The following CCDC170 variants were observed in gnomAD, a reference collection of about 807,000 sequenced individuals.
The protein encoded by CCDC170 is coiled-coil domain containing 170, also known as coiled-coil domain-containing protein 170.
CCDC170 carries 69 observed loss-of-function variants against 72.6 expected under a neutral mutation model. The observed-to-expected ratio is 0.95, with a 90% CI of 0.78 to 1.16. CCDC170 has a LOEUF of 1.16. Ranked by LOEUF, CCDC170 falls within the 50% of genes most tolerant of loss-of-function variation. The pLI, the probability that CCDC170 is intolerant of heterozygous loss-of-function variation, is 0.00. For synonymous variants in CCDC170, 300 were observed against 303.9 expected, an observed-to-expected ratio of 0.99 and a Z score of 0.13; for missense variants, 852 against 832.5, an observed-to-expected ratio of 1.02 and a Z score of -0.29.
chr6:151,520,533 C>G (rs964941787), intron 1 of CCDC170, among the ~76,000 whole-genome samples: 1 of 152,222 alleles, frequency 6.6e-6, no homozygotes, highest in African/African-American at 2.4e-5. Flanking sequence ...TTTCCCAAAA[C>G]AAACCTCCTT....
intron 9 of CCDC170, among the ~76,000 whole-genome samples, chr6:151,599,167 G>A (rs1776667418): frequency 6.6e-6 from 1 of 152,190 alleles, no homozygotes; most frequent in African/African-American, 2.4e-5. Context: ...AAAATTTGGG[G>A]CTTTAGAGAA....
chr6:151,551,661 G>C (rs1319076537), intron 5 of CCDC170, among the ~76,000 whole-genome samples: 1 of 152,108 alleles, frequency 6.6e-6, no homozygotes, highest in Non-Finnish European at 1.5e-5. Context: ...CCTCTCGGGA[G>C]GCCCACGTGG....
At chr6:151,591,416 G>T (rs1442254229) in intron 7 of CCDC170, among the ~76,000 whole-genome samples, 1 of 152,062 alleles carries the variant, frequency 6.6e-6, no homozygotes, top group Non-Finnish European at 1.5e-5. Context: ...TCTAACTGTA[G>T]ACTGCTAAAA....
chr6:151,596,981 C>A (rs1348849671), intron 9 of CCDC170, among the ~76,000 whole-genome samples: 1 of 152,128 alleles, frequency 6.6e-6, no homozygotes, highest in Non-Finnish European at 1.5e-5. Flanking sequence ...CATGCGCCAC[C>A]ACGCCTGGCT....
At chr6:151,572,652 T>TTTTTTTTGTTG (rs1554223874) in intron 5 of CCDC170, among the ~76,000 whole-genome samples, 2 of 77,536 alleles carry the variant, frequency 2.6e-5, no homozygotes, top group African/African-American at 1.0e-4. Flanking sequence ...TCTCTGTGTT[T>TTTTTTTTGTTG]TTTTTTTTTT....
At chr6:151,560,160 C>T (rs947633326) in intron 5 of CCDC170, among the ~76,000 whole-genome samples, 2 of 152,104 alleles carry the variant, frequency 1.3e-5, no homozygotes, top group African/African-American at 2.4e-5. Context: ...TATGTTGTAT[C>T]TTTATTTTAA....
At chr6:151,581,303 A>G (rs1053559887) in intron 6 of CCDC170, among the ~76,000 whole-genome samples, 3 of 152,152 alleles carry the variant, frequency 2.0e-5, no homozygotes, top group African/African-American at 7.2e-5. Flanking sequence ...AGCTAAATTT[A>G]TGTTATATTC....
At chr6:151,542,370 G>A (rs4455680) in intron 3 of CCDC170, among the ~76,000 whole-genome samples, 25,270 of 152,124 alleles carry the variant, frequency 0.17, 2,719 homozygotes, top group Non-Finnish European at 0.24. Context: ...ACAGGTGCAT[G>A]CCACTACACC....
At chr6:151,600,686 T>C (rs1776692860) in intron 9 of CCDC170, among the ~76,000 whole-genome samples, 1 of 152,186 alleles carries the variant, frequency 6.6e-6, no homozygotes, top group African/African-American at 2.4e-5. Context: ...AGAGGGACAA[T>C]ATAAAATAAT....
At chr6:151,552,779 CTTTTTTTTTT>C (rs71014597) in intron 5 of CCDC170, among the ~76,000 whole-genome samples, 48 of 56,770 alleles carry the variant, frequency 8.5e-4, no homozygotes, top group African/African-American at 2.3e-3. Flanking sequence ...TCAGCCAATT[CTTTTTTTTTT>C]TTTTTTTTTT....
intron 9 of CCDC170, among the ~76,000 whole-genome samples, chr6:151,599,455 T>C (rs1375788496): frequency 6.6e-6 from 1 of 152,122 alleles, no homozygotes; most frequent in Non-Finnish European, 1.5e-5. Flanking sequence ...AATGCAATAA[T>C]AGGTGAATAG....
At chr6:151,577,768 C>T (rs1024627003) in intron 6 of CCDC170, among the ~76,000 whole-genome samples, 1 of 152,192 alleles carries the variant, frequency 6.6e-6, no homozygotes, top group Non-Finnish European at 1.5e-5. Flanking sequence ...GAGTTCACCT[C>T]CTGTCAGATC....
intron 6 of CCDC170, among the ~76,000 whole-genome samples, chr6:151,575,594 A>G (rs550667833): frequency 7.6e-6 from 1 of 130,776 alleles, no homozygotes; most frequent in East Asian, 2.6e-4. Context: ...CAGTGGTGCA[A>G]ACTCGGCTCA....
At chr6:151,499,474 C>G (rs368533070) in intron 1 of CCDC170, among the ~76,000 whole-genome samples, 4 of 124,628 alleles carry the variant, frequency 3.2e-5, no homozygotes, top group South Asian at 2.6e-4. Flanking sequence ...TGGAATCAGA[C>G]TGTATTTGAC....
chr6:151,563,442 A>G (rs1417617316), intron 5 of CCDC170, among the ~76,000 whole-genome samples: 1 of 152,158 alleles, frequency 6.6e-6, no homozygotes, highest in Non-Finnish European at 1.5e-5. Flanking sequence ...GAGGTGTCCC[A>G]TGTTGAGAGT....
At position 151,588,204 on chromosome 6, in the gene CCDC170, G is replaced by A. The variant is rs115016861; in HGVS notation, c.1293+2115G>A. On this transcript the variant is annotated intron_variant, in intron 7 of 10. Coordinates refer to ENST00000239374, the MANE Select transcript of CCDC170 (RefSeq NM_025059.4). The stretch of plus-strand genomic sequence containing the variant: ...GTCAGACTCGCTTAGAGGGTAGCAG[G>A]GGTGTCCAACCTTTTGGCTTCCCTG... Among the ~76,000 whole-genome samples, 408 of 152,226 alleles carry A rather than the reference G, an allele frequency of 2.7e-3. 1 individual carries two copies. Among genetic ancestry groups the A allele is most frequent in the African/African-American group, 9.5e-3 (393 of 41,526 alleles).
chr6:151,602,746 T>C (rs1353740504), intron 9 of CCDC170, among the ~76,000 whole-genome samples: 2 of 152,206 alleles, frequency 1.3e-5, no homozygotes, highest in African/African-American at 4.8e-5. Flanking sequence ...GATGCAGAAC[T>C]GTGAGTCAAT....
At chr6:151,522,160 CAA>C (rs370521229) in intron 1 of CCDC170, among the ~76,000 whole-genome samples, 1 of 142,516 alleles carries the variant, frequency 7.0e-6, no homozygotes, top group Admixed American at 7.0e-5. Context: ...AATTCCATGT[CAA>C]AAAAAAAAAA....
intron 9 of CCDC170, among the ~76,000 whole-genome samples, chr6:151,607,521 G>A (rs987892715): frequency 6.6e-6 from 1 of 152,066 alleles, no homozygotes; most frequent in Admixed American, 6.5e-5. Flanking sequence ...GCTTCTAGAT[G>A]TAGGACTCAA....
Sources: allele counts gnomAD v4.1 joint callset (sites outside exome capture counted in the v4.1 genomes callset), GRCh38; gene constraint gnomAD v4.1.1; transcripts MANE v1.5; gene names NCBI Gene and HGNC (gene_info 2026-07-23, HGNC 2026-07-21).